ITIH4: variants seen among roughly 807,000 people sequenced by gnomAD.
The protein encoded by ITIH4 is inter-alpha-trypsin inhibitor heavy chain 4, also known as inter-alpha-trypsin inhibitor heavy chain H4.
A neutral mutation model predicts 111.8 loss-of-function variants in ITIH4; 79 were observed. That is an observed-to-expected ratio of 0.71 (90% CI 0.59 to 0.85). The LOEUF is 0.85. ITIH4 is among the 40% of genes least tolerant of loss of function. ITIH4 has a pLI of 0.00. For synonymous variants in ITIH4, 472 were observed against 468.3 expected (o/e 1.01, Z -0.10); for missense variants, 1,065 against 1,195.8 (o/e 0.89, Z 1.61).
intron 21 of ITIH4, among the ~76,000 whole-genome samples, chr3:52,815,523 T>C (rs1490556858): frequency 6.6e-6 from 1 of 152,132 alleles, no homozygotes; most frequent in Non-Finnish European, 1.5e-5. Context: ...ATTACAGGCA[T>C]GAGCCACCGT....
At chr3:52,820,019 T>C in intron 14 of ITIH4, 29 bp from the exon 15 acceptor site, 4 of 1,610,640 alleles carry the variant, frequency 2.5e-6, no homozygotes, top group Non-Finnish European at 2.5e-6. Flanking sequence ...TGGGTTTGCA[T>C]CTTGCACCCA....
Position 52,828,681 on chromosome 3 carries a change from A to G in ITIH4, c.251+438T>C, listed in dbSNP as rs73841146. Among the ~76,000 whole-genome samples, 1,463 of 152,276 alleles carry G rather than the reference A, an allele frequency of 9.6e-3. 24 individuals are homozygous for G. The highest frequency in any genetic ancestry group is 0.034 in the African/African-American group (1,396 of 41,548). On this transcript the variant is annotated intron_variant, in intron 2 of 23. Coordinates refer to ENST00000266041, the MANE Select transcript of ITIH4 (RefSeq NM_002218.5). ...CAGCCTGAGCAAAAATGTCCTCTGC[A>G]GGATCCCAGCTGGGGCAGACCTAGG...
chr3:52,815,533 T>C (rs7617468), intron 21 of ITIH4, among the ~76,000 whole-genome samples: 73,390 of 151,660 alleles, frequency 0.48, 19,041 homozygotes, highest in African/African-American at 0.68. Flanking sequence ...TGAGCCACCG[T>C]GCCCAACCTA....
In ITIH4 at chr3:52,820,756, G is replaced by T; in HGVS notation, c.1709C>A (p.Ala570Asp). 1 of 1,613,612 alleles carries T rather than the reference G, an allele frequency of 6.2e-7. No individual in the cohort carries two copies. Among genetic ancestry groups the T allele is most frequent in the Non-Finnish European group, 8.5e-7 (1 of 1,179,772 alleles). ...TAAATTCAGCGCTTGGTTCCGGAGGGCCTGCTGATCAGCATCGGATGCGGA... is the reference window on the plus strand; with the variant it reads ...TAAATTCAGCGCTTGGTTCCGGAGGTCCTGCTGATCAGCATCGGATGCGGA... Reference protein sequence around the residue: ...TVSASDADQQALRNQALNLSL... With the variant: ...TVSASDADQQDLRNQALNLSL... The change falls in exon 13 of 24, where the codon GCC becomes GAC. Residue 570 changes from alanine to aspartate, a missense_variant. By Grantham distance (126) the Ala-to-Asp change is moderately radical. Coordinates refer to ENST00000266041, the MANE Select transcript of ITIH4 (RefSeq NM_002218.5).
rs368475731 is a variant in ITIH4 at position 52,823,709 on chromosome 3, C to T, written c.1386G>A (p.Leu462=). ...DFYQEVANPL[L]TAVTFEYPSN... is the part of the protein sequence containing the mutation. ...TTGGGTACTCGAAGGTCACTGCTGT[C>T]AGCAGTGGGTTGGCCACTTCCTGGT... The change falls in exon 11 of 24, where the codon CTG becomes CTA. Residue 462 remains leucine (L), a synonymous_variant. Coordinates refer to ENST00000266041, the MANE Select transcript of ITIH4 (RefSeq NM_002218.5). The T allele has an allele frequency of 4.3e-6, 7 of 1,614,170 alleles. No homozygotes were observed. The highest frequency in any genetic ancestry group is 5.9e-6 in the Non-Finnish European group (7 of 1,180,044).
chr3:52,827,928 T>A (rs563183362), intron 2 of ITIH4, among the ~76,000 whole-genome samples: 1 of 152,122 alleles, frequency 6.6e-6, no homozygotes, highest in Non-Finnish European at 1.5e-5. Context: ...CCTGGTCAAC[T>A]TCATGTGGTA....
At chr3:52,816,074 G>A (rs1428196403) in intron 21 of ITIH4, among the ~76,000 whole-genome samples, 2 of 152,234 alleles carry the variant, frequency 1.3e-5, no homozygotes, top group Non-Finnish European at 2.9e-5. Context: ...GGGAGTTCCC[G>A]CAGAGGGCTT....
At position 52,824,710 on chromosome 3, in the gene ITIH4, A is replaced by AC. The variant is rs1700455803; in HGVS notation, c.876+131dup. The AC allele has an allele frequency of 2.4e-6, 3 of 1,265,118 alleles. No individual in the cohort carries two copies. Among genetic ancestry groups the AC allele is most frequent in the South Asian group, 2.8e-5 (2 of 71,094 alleles). The allele number at this position is 1,265,118 out of a possible 1,614,324, so 78.4% of individuals were successfully genotyped here. A position where few individuals can be genotyped will look rare whatever the true frequency, so the allele number is the denominator to read the frequency against. The stretch of plus-strand genomic sequence containing the variant: ...CAGGGGCTGCCCTAGGCTCTGGCCA[A>AC]CCTTGGTTCCTGAGAGCCACCCGCC... On this transcript the variant is annotated intron_variant, in intron 7 of 23. Coordinates refer to ENST00000266041, the MANE Select transcript of ITIH4 (RefSeq NM_002218.5). The surrounding 1 kb of genome is among the most constrained non-coding windows in gnomAD (Gnocchi z 4.3).
Position 52,814,068 on chromosome 3 carries a change from T to C in ITIH4, c.2630A>G (p.Gln877Arg). ...TCCCCAGAGCACCTCCTGGTAAAAC[T>C]GGCCTGAGATACAAAGGGTGGATCA... ...FSSHVGGTLG[Q>R]FYQEVLWGSP... Residue 877 changes from glutamine (Q) to arginine (R), a missense_variant, in exon 23 of 24, where the codon CAG becomes CGG. By Grantham distance (43) the Gln-to-Arg change is conservative (BLOSUM62 1). Coordinates refer to ENST00000266041, the MANE Select transcript of ITIH4 (RefSeq NM_002218.5). The C allele has an allele frequency of 6.2e-7, 1 of 1,613,720 alleles. No homozygotes were observed. Among genetic ancestry groups the C allele is most frequent in the South Asian group, 1.1e-5 (1 of 91,036 alleles).
chr3:52,824,179 A>C lies in ITIH4; in HGVS notation c.1171+11T>G, dbSNP rs559057440. On this transcript the variant is annotated intron_variant, in intron 9 of 23. Transcript: ENST00000266041. The surrounding 1 kb of genome is among the most constrained non-coding windows in gnomAD (Gnocchi z 4.3). ...TGCAGCACGTCCTGGAGTCACGGGC[A>C]GGGCCCTCACCCACAGTGGGGTCGC... 3.5e-4 allele frequency: 560 copies of C among 1,612,770 alleles called. 4 individuals carry two copies. In the South Asian group the frequency reaches 5.8e-3, roughly 17 times the overall value.
chr3:52,817,693 A>ATCTGGAACATCCTCATGCTGGTC (rs1468928177), intron 20 of ITIH4, among the ~76,000 whole-genome samples: 1 of 152,060 alleles, frequency 6.6e-6, no homozygotes, highest in African/African-American at 2.4e-5. Flanking sequence ...CTCCTCCATC[A>ATCTGGAACATCCTCATGCTGGTC]TCTGGAACAT....
chr3:52,818,242 G>C lies in ITIH4; in HGVS notation c.2179+15C>G. 3 of 1,585,722 alleles carry C rather than the reference G, an allele frequency of 1.9e-6. No individual in the cohort carries two copies. The highest frequency in any genetic ancestry group is 2.6e-6 in the Non-Finnish European group (3 of 1,166,072). ...GCAAGGATGTGGAAAGGGGCCAAGG[G>C]GGCTGGGAACTTACCTGGGGTTTGG... On this transcript the variant is annotated intron_variant, in intron 19 of 23. Coordinates refer to ENST00000266041, the MANE Select transcript of ITIH4 (RefSeq NM_002218.5).
At chr3:52,813,582 G>A in intron 23 of ITIH4, 92 bp from the exon 24 acceptor site, 1 of 1,149,890 alleles carries the variant, frequency 8.7e-7, no homozygotes. Context: ...GGAACATGGA[G>A]GGCAGGGAGT....
intron 1 of ITIH4, 91 bp from the exon 2 acceptor site, chr3:52,829,370 C>G (rs760645419): frequency 5.8e-6 from 8 of 1,384,406 alleles, no homozygotes; most frequent in Non-Finnish European, 7.9e-6. Context: ...GACTCTGGCT[C>G]TAGACCAAAC....
At chr3:52,827,531 A>C (rs969494144) in intron 2 of ITIH4, among the ~76,000 whole-genome samples, 4 of 152,202 alleles carry the variant, frequency 2.6e-5, no homozygotes, top group African/African-American at 9.7e-5. Context: ...AAGCTGGCCC[A>C]CATTCCCACC....
At chr3:52,815,077 AC>A (rs1249349420) in intron 21 of ITIH4, among the ~76,000 whole-genome samples, 1 of 152,098 alleles carries the variant, frequency 6.6e-6, no homozygotes, top group East Asian at 1.9e-4. Context: ...AGTTAAAATA[AC>A]CCTTGAAATT....
Position 52,824,052 on chromosome 3 carries a change from G to A in ITIH4, c.1172-48C>T, listed in dbSNP as rs1482816882. 6.5e-7 allele frequency: 1 copy of A among 1,544,014 alleles called. No individual in the cohort carries two copies. Among genetic ancestry groups the A allele is most frequent in the East Asian group, 2.3e-5 (1 of 44,208 alleles). ...AGGGTGAGAAAATAGTGATTTGCTT[G>A]AAGAATATTTCTGGAACCTCAGAGC... On this transcript the variant is annotated intron_variant, in intron 9 of 23. Transcript: ENST00000266041. The surrounding 1 kb of genome is among the most constrained non-coding windows in gnomAD (Gnocchi z 4.3).
Position 52,825,911 on chromosome 3 carries a change from C to T in ITIH4, c.734G>A (p.Arg245Gln), listed in dbSNP as rs768593175. 10 of 1,614,008 alleles carry T rather than the reference C, an allele frequency of 6.2e-6. No homozygotes were observed. Among genetic ancestry groups the T allele is most frequent in the South Asian group, 2.2e-5 (2 of 91,064 alleles). The change falls in exon 6 of 24, where the codon CGG (arginine) becomes CAG (glutamine). Residue 245 changes from arginine to glutamine, a missense_variant. Arg to Gln is a conservative substitution (Grantham distance 43). Transcript: ENST00000266041. ...CTGAATGGAGCCCCCGGAGATGGCC[C>T]GGTCCACATCATAGCGGATAATGAG... ...GNLIIRYDVD[R>Q]AISGGSIQIE...
intron 20 of ITIH4, among the ~76,000 whole-genome samples, chr3:52,817,605 CCT>C (rs1377501179): frequency 1.3e-5 from 2 of 152,126 alleles, no homozygotes; most frequent in Non-Finnish European, 2.9e-5. Context: ...AGCCAGCACC[CCT>C]GTCTCTTCCT....
Sources: allele counts gnomAD v4.1 joint callset (sites outside exome capture counted in the v4.1 genomes callset), GRCh38; gene constraint gnomAD v4.1.1; non-coding constraint Gnocchi (gnomAD v3.1); transcripts MANE v1.5; gene names NCBI Gene and HGNC (gene_info 2026-07-23, HGNC 2026-07-21).